The following HPSE2 variants were observed in gnomAD, a reference collection of about 807,000 sequenced individuals.
HPSE2 encodes heparanase 2 (inactive), also known as inactive heparanase-2.
Under a neutral mutation model 60.5 loss-of-function variants are expected in HPSE2, and 38 were observed. The observed-to-expected ratio is 0.63, with a 90% CI of 0.48 to 0.82. The LOEUF (loss-of-function observed/expected upper bound fraction) is 0.82, where lower values mean the gene tolerates loss of function less well. Among genes scored for constraint, HPSE2 ranks in the 40% least tolerant of loss-of-function variants. The pLI, the probability that HPSE2 is intolerant of heterozygous loss-of-function variation, is 0.00. For missense variants in HPSE2, 713 were observed against 740.4 expected (o/e 0.96, Z 0.43); for synonymous variants, 295 against 293.2 (o/e 1.01, Z -0.06).
chr10:98,806,564 A>G (rs917376130), intron 3 of HPSE2, among the ~76,000 whole-genome samples: 18 of 152,244 alleles, frequency 1.2e-4, no homozygotes, highest in African/African-American at 3.9e-4. Context: ...GACCTACTTC[A>G]TAAAAATGTT....
chr10:98,615,083 G>C lies in HPSE2; in HGVS notation c.1206-65C>G, dbSNP rs1323892061. On this transcript the variant is annotated intron_variant, in intron 8 of 11. Transcript: ENST00000370552. ...TAAATGGCATATAACAAGCTCTATA[G>C]AGACTGGCTACTATATACACATATA... is the stretch of plus-strand genomic sequence containing the variant. The C allele has an allele frequency of 5.2e-6, 6 of 1,149,592 alleles. No homozygotes were observed. The African/African-American group carries it at 7.6e-5, about 15-fold the overall frequency. 71.2% of individuals were successfully genotyped at this position (1,149,592 alleles called of 1,614,324 possible). A position where few individuals can be genotyped will look rare whatever the true frequency, so the allele number is the denominator to read the frequency against.
the HPSE2 span, among the ~76,000 whole-genome samples, chr10:99,310,033 C>T: frequency 6.6e-6 from 1 of 152,210 alleles, no homozygotes; most frequent in Non-Finnish European, 1.5e-5. Context: ...TTTATCTCTT[C>T]CAGTTTCTGG....
intron 3 of HPSE2, among the ~76,000 whole-genome samples, chr10:98,906,596 T>C (rs964836938): frequency 6.6e-6 from 1 of 152,118 alleles, no homozygotes; most frequent in Non-Finnish European, 1.5e-5. Flanking sequence ...TTAAGAAATG[T>C]TTTCCAATAA....
At chr10:99,006,182 C>A (rs1956888177) in intron 3 of HPSE2, among the ~76,000 whole-genome samples, 1 of 152,074 alleles carries the variant, frequency 6.6e-6, no homozygotes, top group African/African-American at 2.4e-5. Flanking sequence ...GGAACTGAGT[C>A]CACAGGAGCT....
At chr10:99,229,597 T>C (rs1337888792) in intron 2 of HPSE2, among the ~76,000 whole-genome samples, 1 of 152,192 alleles carries the variant, frequency 6.6e-6, no homozygotes, top group Non-Finnish European at 1.5e-5. Context: ...ATCATCCACA[T>C]GCTATAAACA....
chr10:98,681,254 A>C (rs1947780210), intron 6 of HPSE2, among the ~76,000 whole-genome samples: 1 of 152,176 alleles, frequency 6.6e-6, no homozygotes, highest in East Asian at 1.9e-4. Context: ...TAAAATTTTC[A>C]AAAATTTGTA....
rs187324211 is a variant in HPSE2, at chr10:98,462,069, C to G, written c.1614-2330G>C. ...CCTGTAGCTTTTGCATCTGTAAGAACGTTATATAGGCACCAAAGAAATGAA... is the reference window on the plus strand; with the variant it reads ...CCTGTAGCTTTTGCATCTGTAAGAAGGTTATATAGGCACCAAAGAAATGAA... On this transcript the variant is annotated intron_variant, in intron 11 of 11. Transcript: ENST00000370552. 1.3e-4 allele frequency among the ~76,000 whole-genome samples: 20 copies of G among 152,192 alleles called. No homozygotes were observed. The East Asian group carries it at 3.9e-3, about 29-fold the overall frequency.
chr10:98,647,692 C>G (rs547235665), intron 6 of HPSE2, among the ~76,000 whole-genome samples: 1 of 152,350 alleles, frequency 6.6e-6, no homozygotes, highest in East Asian at 1.9e-4. Context: ...TGCCCCTCCT[C>G]CAAAGGCCCT....
At chr10:99,165,478 T>G (rs889360980) in intron 2 of HPSE2, among the ~76,000 whole-genome samples, 1 of 152,172 alleles carries the variant, frequency 6.6e-6, no homozygotes, top group African/African-American at 2.4e-5. Context: ...AAATTCACTA[T>G]TTGTTGCATA....
rs1321630534 is a variant in HPSE2, at chr10:98,620,606, A to G, written c.1201T>C (p.Phe401Leu). 2 of 1,612,566 alleles carry G rather than the reference A, an allele frequency of 1.2e-6. No individual in the cohort carries two copies. Among genetic ancestry groups the G allele is most frequent in the East Asian group, 4.5e-5 (2 of 44,876 alleles). ...NNLSDSYAAG[F>L]LWLNTLGMLA... ...GAACTTGCAGGTGTTACTCACAAGAATCCTGCAGCATAGGAATCGGATAGA... is the reference window on the plus strand; with the variant it reads ...GAACTTGCAGGTGTTACTCACAAGAGTCCTGCAGCATAGGAATCGGATAGA... Residue 401 changes from phenylalanine to leucine, a missense_variant, in exon 8 of 12, where the codon TTC becomes CTC. By Grantham distance (22) the Phe-to-Leu change is conservative. Transcript: ENST00000370552.
chr10:98,572,718 T>A (rs777083005), intron 9 of HPSE2, among the ~76,000 whole-genome samples: 2 of 152,184 alleles, frequency 1.3e-5, no homozygotes, highest in Non-Finnish European at 2.9e-5. Flanking sequence ...CCTAACATCC[T>A]CTTTTTAAAA....
intron 3 of HPSE2, among the ~76,000 whole-genome samples, chr10:98,832,807 T>C (rs1951713085): frequency 6.6e-6 from 1 of 152,210 alleles, no homozygotes; most frequent in Non-Finnish European, 1.5e-5. Flanking sequence ...TACTAGGTCA[T>C]GAGCTAATTT....
intron 3 of HPSE2, among the ~76,000 whole-genome samples, chr10:99,052,957 A>C (rs1958023161): frequency 6.6e-6 from 1 of 152,058 alleles, no homozygotes; most frequent in Non-Finnish European, 1.5e-5. Flanking sequence ...TCAAACATAT[A>C]AAGAGAAATA....
At chr10:98,614,702 T>C (rs112739724) in intron 9 of HPSE2, among the ~76,000 whole-genome samples, 1 of 117,830 alleles carries the variant, frequency 8.5e-6, no homozygotes, top group Non-Finnish European at 1.6e-5. Flanking sequence ...AGTGAACAGA[T>C]GTGTGTGTGT....
At chr10:98,584,281 C>T (rs901386790) in intron 9 of HPSE2, among the ~76,000 whole-genome samples, 3 of 152,006 alleles carry the variant, frequency 2.0e-5, no homozygotes, top group South Asian at 2.1e-4. Flanking sequence ...ATGCTGAGGA[C>T]CAAAAAGCCT....
At chr10:98,819,080 G>C (rs1016291296) in intron 3 of HPSE2, among the ~76,000 whole-genome samples, 1 of 152,208 alleles carries the variant, frequency 6.6e-6, no homozygotes, top group Admixed American at 6.5e-5. Flanking sequence ...CCTGGACACG[G>C]AGTAGGGGGA....
intron 3 of HPSE2, among the ~76,000 whole-genome samples, chr10:98,966,091 A>T (rs1955807903): frequency 6.6e-6 from 1 of 152,130 alleles, no homozygotes; most frequent in South Asian, 2.1e-4. Context: ...GGGTTTCACC[A>T]AGTTGGCCAG....
chr10:99,026,877 G>T (rs1957389475), intron 3 of HPSE2, among the ~76,000 whole-genome samples: 1 of 152,020 alleles, frequency 6.6e-6, no homozygotes, highest in African/African-American at 2.4e-5. Flanking sequence ...TGATCAATGG[G>T]TCAGTAAAGA....
intron 3 of HPSE2, among the ~76,000 whole-genome samples, chr10:99,033,475 A>C (rs536296206): frequency 2.6e-5 from 4 of 152,250 alleles, no homozygotes; most frequent in African/African-American, 9.6e-5. Flanking sequence ...TATACCTATT[A>C]GAAAAGCATT....
Sources: gnomAD v4.1 joint callset for allele counts (sites outside exome capture counted in the v4.1 genomes callset) on GRCh38, gnomAD v4.1.1 for gene constraint, MANE v1.5 for transcripts, NCBI Gene and HGNC (gene_info 2026-07-23, HGNC 2026-07-21) for gene names.